Variants in CAPZB observed in about 807,000 individuals in gnomAD.
CAPZB encodes the protein F-actin-capping protein subunit beta.
CAPZB carries 2 observed loss-of-function variants against 38.1 expected under a neutral mutation model. The ratio of observed to expected loss-of-function variants is 0.05; its 90% CI spans 0.02 to 0.17. CAPZB has a LOEUF of 0.17. Ranked by LOEUF, CAPZB falls within the 10% of genes least tolerant of loss-of-function variation. The probability of loss-of-function intolerance (pLI) is 1.00; values close to 1 mark genes in which losing one functional copy is unlikely to be tolerated. For synonymous variants in CAPZB, 107 were observed against 127.4 expected, an observed-to-expected ratio of 0.84 and a Z score of 1.08; for missense variants, 161 against 334.2, an observed-to-expected ratio of 0.48 and a Z score of 4.04.
chr1:19,385,924 T>C (rs958077553), intron 2 of CAPZB: 20 of 468,052 alleles, frequency 4.3e-5, no homozygotes, highest in Non-Finnish European at 7.0e-5. Flanking sequence ...TAAATTTAAG[T>C]GTGTATGTGC....
intron 2 of CAPZB, among the ~76,000 whole-genome samples, chr1:19,399,448 G>A (rs570451014): frequency 2.6e-5 from 4 of 152,298 alleles, no homozygotes; most frequent in African/African-American, 4.8e-5. Flanking sequence ...ACTCTCAGTC[G>A]TAGCTGTTTG....
chr1:19,346,817 CTTTTTTT>C (rs34733600), intron 6 of CAPZB, among the ~76,000 whole-genome samples: 1 of 84,100 alleles, frequency 1.2e-5, no homozygotes. Flanking sequence ...CGACTTTTGT[CTTTTTTT>C]TTTTTTTTTT....
chr1:19,484,679 C>T, intron 1 of CAPZB: 1 of 1,134,968 alleles, frequency 8.8e-7, no homozygotes, highest in Non-Finnish European at 1.1e-6. Context: ...GACCCTGGGT[C>T]GTGCACCAGG....
intron 3 of CAPZB, among the ~76,000 whole-genome samples, chr1:19,380,549 G>C (rs1333310412): frequency 6.6e-6 from 1 of 152,256 alleles, no homozygotes; most frequent in East Asian, 1.9e-4. Flanking sequence ...TGACCTGTCA[G>C]TTCTTGTAGC....
At chr1:19,455,698 A>T (rs1019327899) in intron 1 of CAPZB, among the ~76,000 whole-genome samples, 1 of 152,178 alleles carries the variant, frequency 6.6e-6, no homozygotes, top group Non-Finnish European at 1.5e-5. Context: ...CAAAGAGATG[A>T]GATTGGCCCT....
At chr1:19,374,752 C>A (rs2094136551) in intron 4 of CAPZB, among the ~76,000 whole-genome samples, 1 of 152,244 alleles carries the variant, frequency 6.6e-6, no homozygotes. Flanking sequence ...ACCAAGCCAG[C>A]AGACGGGAGC....
At chr1:19,424,137 G>T (rs1191773711) in intron 1 of CAPZB, among the ~76,000 whole-genome samples, 1 of 152,030 alleles carries the variant, frequency 6.6e-6, no homozygotes, top group Non-Finnish European at 1.5e-5. Flanking sequence ...ATTTAGACAC[G>T]TGTTTTAGAC....
At chr1:19,472,300 G>C (rs1291220183) in intron 1 of CAPZB, among the ~76,000 whole-genome samples, 2 of 152,180 alleles carry the variant, frequency 1.3e-5, no homozygotes, top group African/African-American at 4.8e-5. Flanking sequence ...CTACAGCCTA[G>C]AGCTCTAAAC....
At chr1:19,441,132 T>G (rs1306891894) in intron 1 of CAPZB, among the ~76,000 whole-genome samples, 1 of 152,164 alleles carries the variant, frequency 6.6e-6, no homozygotes, top group Admixed American at 6.5e-5. Context: ...TCCACGAAAT[T>G]TGAAAATATA....
At chr1:19,435,486 A>G (rs563906066) in intron 1 of CAPZB, among the ~76,000 whole-genome samples, 3 of 152,338 alleles carry the variant, frequency 2.0e-5, no homozygotes, top group Non-Finnish European at 4.4e-5. Context: ...TGCCAAACAC[A>G]GCACAACAAC....
chr1:19,346,501 G>C (rs1235985645), intron 6 of CAPZB, among the ~76,000 whole-genome samples: 1 of 134,910 alleles, frequency 7.4e-6, no homozygotes, highest in East Asian at 2.1e-4. Context: ...TTCAAAATGA[G>C]ACCAGGCCCA....
At chr1:19,457,963 G>A (rs2094538169) in intron 1 of CAPZB, among the ~76,000 whole-genome samples, 1 of 152,108 alleles carries the variant, frequency 6.6e-6, no homozygotes, top group Admixed American at 6.5e-5. Flanking sequence ...AGCAATGATG[G>A]TTGTAAGGAC....
intron 2 of CAPZB, among the ~76,000 whole-genome samples, chr1:19,403,224 G>C (rs1179582467): frequency 6.6e-6 from 1 of 152,188 alleles, no homozygotes; most frequent in Non-Finnish European, 1.5e-5. Context: ...TGCACTCACT[G>C]AATGTCCGCT....
chr1:19,372,011 C>T (rs2094121926), intron 4 of CAPZB, among the ~76,000 whole-genome samples: 1 of 152,258 alleles, frequency 6.6e-6, no homozygotes, highest in Non-Finnish European at 1.5e-5. Flanking sequence ...CTGGCTGCTC[C>T]ACTCCTGGAG....
intron 1 of CAPZB, among the ~76,000 whole-genome samples, chr1:19,479,464 A>C (rs2094619752): frequency 6.6e-6 from 1 of 152,230 alleles, no homozygotes; most frequent in Non-Finnish European, 1.5e-5. Context: ...TCTAGGATTT[A>C]GACTGACCTG....
chr1:19,377,449 T>C (rs535779625), intron 4 of CAPZB, among the ~76,000 whole-genome samples: 1 of 152,322 alleles, frequency 6.6e-6, no homozygotes, highest in African/African-American at 2.4e-5. Context: ...TCCCCAGAGG[T>C]TCTTGTTAAG....
At chr1:19,432,752 C>T (rs1296014219) in intron 1 of CAPZB, among the ~76,000 whole-genome samples, 1 of 152,216 alleles carries the variant, frequency 6.6e-6, no homozygotes, top group African/African-American at 2.4e-5. Context: ...CACAGAAGGA[C>T]ATAACACAGG....
intron 4 of CAPZB, among the ~76,000 whole-genome samples, chr1:19,366,486 C>T (rs549422245): frequency 1.3e-5 from 2 of 151,338 alleles, no homozygotes; most frequent in South Asian, 2.1e-4. Flanking sequence ...GTCAGGAGTT[C>T]GAAACCAGCC....
At chr1:19,419,562 A>C (rs2094393434) in intron 2 of CAPZB, 99 bp downstream of exon 2, 4 of 708,516 alleles carry the variant, frequency 5.6e-6, no homozygotes, top group Non-Finnish European at 7.6e-6. Context: ...GGGAGAGAAA[A>C]GGTTTCCTGT....
Sources: allele counts gnomAD v4.1 joint callset (sites outside exome capture counted in the v4.1 genomes callset), GRCh38; gene constraint gnomAD v4.1.1; transcripts MANE v1.5; gene names NCBI Gene and HGNC (gene_info 2026-07-23, HGNC 2026-07-21).